NUP93: variants seen among roughly 807,000 people sequenced by gnomAD.
NUP93 encodes nucleoporin 93.
In NUP93, 55 loss-of-function variants were observed where a neutral mutation model predicts 107.8. The observed-to-expected ratio is 0.51, with a 90% CI of 0.41 to 0.64. The LOEUF (loss-of-function observed/expected upper bound fraction) is 0.64. NUP93 is among the 30% of genes least tolerant of loss of function. NUP93 has a pLI of 0.00. For missense variants in NUP93, 937 were observed against 1,044.7 expected (o/e 0.90, Z 1.42); for synonymous variants, 390 against 397.5 (o/e 0.98, Z 0.22).
At chr16:56,798,138 G>A (rs1177928339) in intron 3 of NUP93, among the ~76,000 whole-genome samples, 1 of 152,230 alleles carries the variant, frequency 6.6e-6, no homozygotes, top group Admixed American at 6.5e-5. Context: ...GAGGAACTGT[G>A]ACTAGCTCCA....
intron 3 of NUP93, chr16:56,783,654 A>T: frequency 1.0e-6 from 1 of 985,396 alleles, no homozygotes. Context: ...TAATGTATGG[A>T]AAATGTCTCA....
At chr16:56,844,221 G>A (rs180869877) in intron 21 of NUP93, among the ~76,000 whole-genome samples, 7 of 152,318 alleles carry the variant, frequency 4.6e-5, no homozygotes, top group Admixed American at 3.3e-4. Flanking sequence ...GTGTTGGGGC[G>A]AGGCGGCTTG....
At chr16:56,844,035 C>T (rs1371838362) in intron 21 of NUP93, among the ~76,000 whole-genome samples, 1 of 152,154 alleles carries the variant, frequency 6.6e-6, no homozygotes, top group Non-Finnish European at 1.5e-5. Context: ...AGGAAGAGAG[C>T]TGGATTGGGA....
intron 3 of NUP93, among the ~76,000 whole-genome samples, chr16:56,768,765 G>A (rs919058329): frequency 1.5e-4 from 23 of 151,508 alleles, no homozygotes; most frequent in Non-Finnish European, 2.7e-4. Context: ...TACTCGGGAG[G>A]CTGAGGCAGG....
intron 4 of NUP93, among the ~76,000 whole-genome samples, chr16:56,804,093 T>C (rs1963080416): frequency 6.6e-6 from 1 of 152,114 alleles, no homozygotes; most frequent in African/African-American, 2.4e-5. Flanking sequence ...TGTAGAGAAA[T>C]TGAAACCCTT....
intron 8 of NUP93, among the ~76,000 whole-genome samples, chr16:56,827,069 A>AAAAAAAAAAAAAAAT (rs1430722800): frequency 2.5e-4 from 32 of 125,718 alleles, no homozygotes; most frequent in Non-Finnish European, 3.7e-4. Context: ...AAAAAAAAAA[A>AAAAAAAAAAAAAAAT]TTTTGTTGAG....
chr16:56,809,656 A>C (rs1963270997), intron 5 of NUP93, among the ~76,000 whole-genome samples: 1 of 152,134 alleles, frequency 6.6e-6, no homozygotes, highest in Non-Finnish European at 1.5e-5. Flanking sequence ...ACTCTACTGA[A>C]GTCTAGGTCA....
At chr16:56,804,153 A>G (rs186149918) in intron 4 of NUP93, among the ~76,000 whole-genome samples, 1 of 152,304 alleles carries the variant, frequency 6.6e-6, no homozygotes, top group East Asian at 1.9e-4. Context: ...TGGAAATAGT[A>G]TGTCGGTTCC....
intron 1 of NUP93, among the ~76,000 whole-genome samples, chr16:56,745,617 G>A (rs1461864569): frequency 1.3e-5 from 2 of 152,180 alleles, no homozygotes; most frequent in Non-Finnish European, 2.9e-5. Flanking sequence ...AGATTTGAAA[G>A]GCTTTGTTGG....
intron 3 of NUP93, among the ~76,000 whole-genome samples, chr16:56,777,292 A>G (rs1962432411): frequency 6.6e-6 from 1 of 152,178 alleles, no homozygotes; most frequent in African/African-American, 2.4e-5. Context: ...TGCATTTCGT[A>G]TCTGGCCCAC....
At chr16:56,758,454 T>A in intron 2 of NUP93, 84 bp from the exon 3 acceptor site, 1 of 976,968 alleles carries the variant, frequency 1.0e-6, no homozygotes, top group Non-Finnish European at 1.7e-6. Context: ...TGCTCTCTAG[T>A]ATTTGATGAA....
In NUP93 at chr16:56,834,118, C is replaced by T. The variant is rs767339537; in HGVS notation, c.1538-10C>T. ...TGTGGTTGTGACCCATTCTGACCCC[C>T]ACAATGCAGTCAGCCACGAGCCTGG... On this transcript the variant is annotated splice_polypyrimidine_tract_variant and intron_variant, in intron 13 of 21. Coordinates refer to ENST00000308159, the MANE Select transcript of NUP93 (RefSeq NM_014669.5). 9.3e-6 allele frequency: 15 copies of T among 1,614,086 alleles called. No individual in the cohort carries two copies. Among genetic ancestry groups the T allele is most frequent in the Middle Eastern group, 3.3e-4 (2 of 6,062 alleles).
At chr16:56,795,742 G>A (rs1962882839) in intron 3 of NUP93, among the ~76,000 whole-genome samples, 1 of 151,946 alleles carries the variant, frequency 6.6e-6, no homozygotes, top group South Asian at 2.1e-4. Context: ...TGCCTCCCTG[G>A]TTCAAGCAAT....
chr16:56,791,923 T>C (rs952212057), intron 3 of NUP93, among the ~76,000 whole-genome samples: 4 of 152,266 alleles, frequency 2.6e-5, no homozygotes, highest in Admixed American at 6.5e-5. Flanking sequence ...GCTTTTAGAC[T>C]GTGACTCATA....
intron 4 of NUP93, among the ~76,000 whole-genome samples, chr16:56,802,366 T>C (rs1430870436): frequency 1.4e-5 from 2 of 143,798 alleles, no homozygotes; most frequent in African/African-American, 5.1e-5. Flanking sequence ...ATAACTTTCA[T>C]GTTTAAAGTT....
At chr16:56,768,866 C>A (rs76632741) in intron 3 of NUP93, among the ~76,000 whole-genome samples, 650 of 135,376 alleles carry the variant, frequency 4.8e-3, no homozygotes, top group East Asian at 7.0e-3. Context: ...GACTCTGTCT[C>A]AAAAAAAAAA....
At position 56,804,595 on chromosome 16, in the gene NUP93, A is replaced by G. The variant is rs117230244; in HGVS notation, c.361-909A>G. ...CAATAATGAGAATGTACTTAATACC[A>G]CTGAACTATACACTTAAAAATGGTT... On this transcript the variant is annotated intron_variant, in intron 4 of 21. Coordinates refer to ENST00000308159, the MANE Select transcript of NUP93 (RefSeq NM_014669.5). 2.1e-3 allele frequency among the ~76,000 whole-genome samples: 325 copies of G among 152,140 alleles called. 9 individuals are homozygous for G. The East Asian group carries it at 0.054, about 25-fold the overall frequency.
chr16:56,836,792 G>A, intron 17 of NUP93, 75 bp downstream of exon 17: 1 of 923,664 alleles, frequency 1.1e-6, no homozygotes. Flanking sequence ...GCAGCCACTT[G>A]GACAGTGTCA....
At chr16:56,805,286 A>G (rs1225901246) in intron 4 of NUP93, among the ~76,000 whole-genome samples, 7 of 152,172 alleles carry the variant, frequency 4.6e-5, no homozygotes, top group African/African-American at 1.2e-4. Context: ...GGGCTCAAGC[A>G]ATCTGCCTGC....
Sources: allele counts gnomAD v4.1 joint callset (sites outside exome capture counted in the v4.1 genomes callset), GRCh38; gene constraint gnomAD v4.1.1; transcripts MANE v1.5; gene names NCBI Gene and HGNC (gene_info 2026-07-23, HGNC 2026-07-21).